PPM1H: variants seen among roughly 807,000 people sequenced by gnomAD.
PPM1H encodes the protein protein phosphatase 1H.
In PPM1H, 27 loss-of-function variants were observed where a neutral mutation model predicts 54.9. The observed-to-expected ratio is 0.49, with a 90% CI of 0.36 to 0.68. The LOEUF (loss-of-function observed/expected upper bound fraction) is 0.68. PPM1H is among the 30% of genes least tolerant of loss of function. The pLI is 0.00. For missense variants in PPM1H, 596 were observed against 667.8 expected (o/e 0.89, Z 1.19); for synonymous variants, 305 against 270.8 (o/e 1.13, Z -1.24).
intron 8 of PPM1H, among the ~76,000 whole-genome samples, chr12:62,681,749 A>G (rs1244845622): frequency 6.6e-6 from 1 of 152,170 alleles, no homozygotes; most frequent in East Asian, 1.9e-4. Flanking sequence ...TAACCATCTA[A>G]CTAGCCACAA....
chr12:62,922,651 A>G (rs1011069946), intron 1 of PPM1H, among the ~76,000 whole-genome samples: 1 of 152,230 alleles, frequency 6.6e-6, no homozygotes, highest in African/African-American at 2.4e-5. Context: ...AAACTGAGTC[A>G]GAAATAGTAT....
chr12:62,747,870 CACA>C (rs1291487352), intron 4 of PPM1H, among the ~76,000 whole-genome samples: 2 of 152,142 alleles, frequency 1.3e-5, no homozygotes, highest in African/African-American at 2.4e-5. Context: ...GCTCTAGATA[CACA>C]ACAATGACCT....
chr12:62,846,023 A>G (rs1200192561), intron 1 of PPM1H, among the ~76,000 whole-genome samples: 4 of 151,986 alleles, frequency 2.6e-5, no homozygotes, highest in African/African-American at 4.8e-5. Flanking sequence ...CCCCATTTCC[A>G]TGCCTTGTCC....
chr12:62,819,983 T>C (rs1395182230), intron 2 of PPM1H, among the ~76,000 whole-genome samples: 2 of 152,210 alleles, frequency 1.3e-5, no homozygotes, highest in Non-Finnish European at 2.9e-5. Flanking sequence ...TTGCCTCACC[T>C]GGGAAGCGCA....
intron 8 of PPM1H, among the ~76,000 whole-genome samples, chr12:62,686,066 C>A (rs371792148): frequency 1.3e-5 from 2 of 152,196 alleles, no homozygotes. Flanking sequence ...TCCACTCCCA[C>A]GAATGCTGAA....
At chr12:62,828,404 T>C (rs980171763) in intron 2 of PPM1H, among the ~76,000 whole-genome samples, 2 of 152,236 alleles carry the variant, frequency 1.3e-5, no homozygotes, top group Non-Finnish European at 2.9e-5. Flanking sequence ...CCTTGGTGTC[T>C]TTCAATTGTC....
intron 9 of PPM1H, among the ~76,000 whole-genome samples, chr12:62,660,141 T>A (rs557538638): frequency 6.6e-6 from 1 of 152,340 alleles, no homozygotes; most frequent in East Asian, 1.9e-4. Context: ...AGCTCCCAGC[T>A]GGGAGGGCAC....
chr12:62,654,217 C>CAAA (rs57812590), intron 9 of PPM1H, among the ~76,000 whole-genome samples: 1,295 of 65,284 alleles, frequency 0.02, 107 homozygotes, highest in Middle Eastern at 0.048. Context: ...GACTCTTTCT[C>CAAA]AAAAAAAAAA....
intron 4 of PPM1H, among the ~76,000 whole-genome samples, chr12:62,759,325 T>C (rs2076493263): frequency 6.6e-6 from 1 of 152,218 alleles, no homozygotes; most frequent in Admixed American, 6.5e-5. Context: ...ACCAGCCCAA[T>C]GAACATCTCA....
At chr12:62,781,323 G>A (rs1207306562) in intron 4 of PPM1H, among the ~76,000 whole-genome samples, 2 of 152,336 alleles carry the variant, frequency 1.3e-5, no homozygotes, top group East Asian at 3.9e-4. Flanking sequence ...CCAGGTACAG[G>A]CAGGTCGCCC....
chr12:62,916,762 A>G (rs568918675), intron 1 of PPM1H, among the ~76,000 whole-genome samples: 4 of 152,266 alleles, frequency 2.6e-5, no homozygotes, highest in Non-Finnish European at 5.9e-5. Flanking sequence ...TAATAAATCA[A>G]TCCTTGAAGA....
intron 1 of PPM1H, among the ~76,000 whole-genome samples, 179 bp from the exon 2 acceptor site, chr12:62,832,458 G>T (rs927711724): frequency 1.2e-4 from 19 of 152,130 alleles, no homozygotes; most frequent in African/African-American, 4.8e-5. Context: ...TTTTTTAATG[G>T]CATTATGTTA....
chr12:62,676,184 C>A (rs1473425700), intron 8 of PPM1H, among the ~76,000 whole-genome samples: 6 of 152,200 alleles, frequency 3.9e-5, no homozygotes, highest in African/African-American at 1.4e-4. Flanking sequence ...TCAAGTCATC[C>A]CTGGCTTGAA....
intron 2 of PPM1H, among the ~76,000 whole-genome samples, chr12:62,815,013 T>G (rs912889091): frequency 7.9e-5 from 12 of 152,184 alleles, no homozygotes; most frequent in South Asian, 2.1e-4. Context: ...CAATGTCCAG[T>G]TTTCCATCTG....
chr12:62,908,695 C>T (rs1254792694), intron 1 of PPM1H, among the ~76,000 whole-genome samples: 2 of 152,174 alleles, frequency 1.3e-5, no homozygotes, highest in South Asian at 2.1e-4. Flanking sequence ...CAAGTTTATG[C>T]TATGGCAAGG....
At position 62,801,916 on chromosome 12, in the gene PPM1H, G is replaced by T; in HGVS notation, c.656C>A (p.Pro219Gln). The change falls in exon 3 of 10, where the codon CCG becomes CAG. Residue 219 changes from proline to glutamine, a missense_variant. Pro to Gln is a moderately conservative substitution (Grantham distance 76, BLOSUM62 -1). Transcript: ENST00000228705. ...AASLRGGVGAPGSPSTPPTRF... is the reference protein window; with the variant it reads ...AASLRGGVGAQGSPSTPPTRF... ...TGTGGGGGGCGTGCTGGGGGAGCCC[G>T]GGGCCCCCACCCCTCCGCGCAGGGA... is the stretch of plus-strand genomic sequence containing the variant. 1.2e-6 allele frequency: 2 copies of T among 1,613,240 alleles called. No homozygotes were observed. The highest frequency in any genetic ancestry group is 1.7e-6 in the Non-Finnish European group (2 of 1,179,544).
chr12:62,655,095 C>T (rs1371557581), intron 9 of PPM1H, among the ~76,000 whole-genome samples: 3 of 151,816 alleles, frequency 2.0e-5, no homozygotes, highest in Admixed American at 1.3e-4. Context: ...CCCTTCATGC[C>T]ACAGGAGACC....
chr12:62,807,608 T>C (rs1014493809), intron 2 of PPM1H, among the ~76,000 whole-genome samples: 1 of 142,922 alleles, frequency 7.0e-6, no homozygotes, highest in Non-Finnish European at 1.5e-5. Context: ...TTCTATGCCA[T>C]GGTTTGTTGT....
intron 6 of PPM1H, among the ~76,000 whole-genome samples, chr12:62,709,364 T>C (rs1354450261): frequency 6.6e-6 from 1 of 152,212 alleles, no homozygotes; most frequent in Non-Finnish European, 1.5e-5. Flanking sequence ...TCTAGGACCC[T>C]GCTGCAGCCC....
Sources: gnomAD v4.1 joint callset for allele counts (sites outside exome capture counted in the v4.1 genomes callset) on GRCh38, gnomAD v4.1.1 for gene constraint, MANE v1.5 for transcripts, NCBI Gene and HGNC (gene_info 2026-07-23, HGNC 2026-07-21) for gene names.